The following ZC3H14 variants were observed in gnomAD, a reference collection of about 807,000 sequenced individuals.
ZC3H14 encodes zinc finger CCCH-type containing 14.
ZC3H14 carries 31 observed loss-of-function variants against 92.4 expected under a neutral mutation model. The observed-to-expected ratio is 0.34, with a 90% CI of 0.25 to 0.45. The LOEUF (loss-of-function observed/expected upper bound fraction) is 0.45, where lower values mean the gene tolerates loss of function less well. Among genes scored for constraint, ZC3H14 ranks in the 20% least tolerant of loss-of-function variants. ZC3H14 has a pLI of 1.00. For missense variants in ZC3H14, 781 were observed against 897.3 expected (o/e 0.87, Z 1.66); for synonymous variants, 321 against 300.9 (o/e 1.07, Z -0.69).
intron 15 of ZC3H14, among the ~76,000 whole-genome samples, chr14:88,610,045 T>G (rs2086304207): frequency 6.6e-6 from 1 of 152,202 alleles, no homozygotes; most frequent in South Asian, 2.1e-4. Context: ...CTAGTCACAT[T>G]TTCCATTATT....
Position 88,622,245 on chromosome 14 carries a change from T to C in ZC3H14, c.*10494T>C, listed in dbSNP as rs902462197. ...TATGGCTGAGTAGTATTTCATTGTT[T>C]GTTTACTGCACGTTTTATCTAGGGA... is the stretch of plus-strand genomic sequence containing the variant. On this transcript the variant is annotated 3_prime_UTR_variant, in exon 17 of 17. Transcript: ENST00000251038. 5.5e-6 allele frequency: 1 copy of C among 181,058 alleles called. No homozygotes were observed. Among genetic ancestry groups the C allele is most frequent in the African/African-American group, 2.3e-5 (1 of 42,660 alleles). The allele number at this position is 181,058 out of a possible 1,614,324, so 11.2% of individuals were successfully genotyped here.
chr14:88,598,018 CTT>C (rs2084080862), intron 10 of ZC3H14, among the ~76,000 whole-genome samples: 1 of 152,024 alleles, frequency 6.6e-6, no homozygotes, highest in Non-Finnish European at 1.5e-5. Context: ...ACACAATACT[CTT>C]TGTTATTTCT....
Position 88,605,914 on chromosome 14 carries a change from G to GAAAC in ZC3H14, c.1748-1327_1748-1324dup, listed in dbSNP as rs553553072. ...ATTATTTTCTCTTTGTATAGATGAG[G>GAAAC]AAACAGAATTCCAAAAAGTTAGCTA... On this transcript the variant is annotated intron_variant, in intron 12 of 16. Coordinates refer to ENST00000251038, the MANE Select transcript of ZC3H14 (RefSeq NM_024824.5). Among the ~76,000 whole-genome samples, 249 of 152,290 alleles carry GAAAC rather than the reference G, an allele frequency of 1.6e-3. 1 individual carries two copies. The highest frequency in any genetic ancestry group is 5.8e-3 in the African/African-American group (241 of 41,580).
chr14:88,574,124 C>T (rs754918386), intron 6 of ZC3H14, among the ~76,000 whole-genome samples: 3 of 152,094 alleles, frequency 2.0e-5, no homozygotes, highest in Non-Finnish European at 2.9e-5. Context: ...AACCAATTAA[C>T]TCTGTTTTAT....
chr14:88,592,633 T>C (rs2083296765), intron 9 of ZC3H14, among the ~76,000 whole-genome samples: 3 of 151,484 alleles, frequency 2.0e-5, no homozygotes, highest in Non-Finnish European at 4.4e-5. Context: ...CCCGAGTAGC[T>C]GGAATTACAG....
Position 88,621,730 on chromosome 14 carries a change from A to G in ZC3H14, c.*9979A>G, listed in dbSNP as rs559097328. 1 of 309,746 alleles carries G rather than the reference A, an allele frequency of 3.2e-6. No homozygotes were observed. The highest frequency in any genetic ancestry group is 6.4e-6 in the Non-Finnish European group (1 of 155,370). 19.2% of individuals were successfully genotyped at this position (309,746 alleles called of 1,614,324 possible). A position where few individuals can be genotyped will look rare whatever the true frequency, so the allele number is the denominator to read the frequency against. ...TCCGTATGATTTATAAATACACTTAATAAGTACAAACACGCTCAAAAATTT... is the reference window on the plus strand; with the variant it reads ...TCCGTATGATTTATAAATACACTTAGTAAGTACAAACACGCTCAAAAATTT... On this transcript the variant is annotated 3_prime_UTR_variant, in exon 17 of 17. Coordinates refer to ENST00000251038, the MANE Select transcript of ZC3H14 (RefSeq NM_024824.5).
chr14:88,568,753 C>T (rs1261945123), intron 3 of ZC3H14, among the ~76,000 whole-genome samples: 1 of 152,210 alleles, frequency 6.6e-6, no homozygotes. Context: ...AGTACAGCCA[C>T]TTGCTTTATA....
At chr14:88,607,503 A>G (rs2085636307) in intron 13 of ZC3H14, 140 bp downstream of exon 13, 8 of 791,360 alleles carry the variant, frequency 1.0e-5, no homozygotes, top group African/African-American at 1.9e-5. Flanking sequence ...TCAACCCTCA[A>G]GTGAGTACCA....
Position 88,622,593 on chromosome 14 carries a change from G to T in ZC3H14, c.*10842G>T. The T allele has an allele frequency of 6.3e-7, 1 of 1,586,016 alleles. No homozygotes were observed. Among genetic ancestry groups the T allele is most frequent in the East Asian group, 2.3e-5 (1 of 43,770 alleles). On this transcript the variant is annotated 3_prime_UTR_variant, in exon 17 of 17. Transcript: ENST00000251038. ...TTCTGCTGCACTGTATCAGCTCATGGAACATCTTACTTTGCCTCTGCACAC... is the reference window on the plus strand; with the variant it reads ...TTCTGCTGCACTGTATCAGCTCATGTAACATCTTACTTTGCCTCTGCACAC...
In ZC3H14 at chr14:88,602,861, C is replaced by T. The variant is rs766366843; in HGVS notation, c.1548C>T (p.Pro516=). 1.2e-6 allele frequency: 2 copies of T among 1,614,092 alleles called. No individual in the cohort carries two copies. The highest frequency in any genetic ancestry group is 2.2e-5 in the East Asian group (1 of 44,872). Reference sequence around the variant, plus strand: ...TACAACCAGATAAACCTGCAAGTCCCAAGTTTATAGTGACGCTGGATGGTG... The same window carrying T: ...TACAACCAGATAAACCTGCAAGTCCTAAGTTTATAGTGACGCTGGATGGTG... ...DLVQPDKPAS[P]KFIVTLDGVP... is the part of the protein sequence containing the mutation. Residue 516 remains proline (P), a synonymous_variant, in exon 12 of 17, where the codon CCC becomes CCT. Transcript: ENST00000251038.
At chr14:88,569,230 G>C (rs1387719224) in intron 3 of ZC3H14, among the ~76,000 whole-genome samples, 2 of 152,078 alleles carry the variant, frequency 1.3e-5, no homozygotes, top group African/African-American at 2.4e-5. Context: ...TTTTTGAACT[G>C]GGTTGGCTTC....
intron 9 of ZC3H14, among the ~76,000 whole-genome samples, chr14:88,588,732 TGGAAATTCTGTTAG>T (rs1168508596): frequency 3.9e-5 from 6 of 152,202 alleles, no homozygotes; most frequent in Non-Finnish European, 7.3e-5. Flanking sequence ...TGTTCTCTGG[TGGAAATTCTGTTAG>T]TTGGATGATA....
At chr14:88,583,349 C>A (rs947459890) in intron 9 of ZC3H14, among the ~76,000 whole-genome samples, 2 of 151,984 alleles carry the variant, frequency 1.3e-5, no homozygotes, top group Non-Finnish European at 2.9e-5. Context: ...AACTCCTGAG[C>A]TCAAGCAGCC....
Position 88,574,274 on chromosome 14 carries a change from C to T in ZC3H14, c.862-419C>T, listed in dbSNP as rs533920576. 7.6e-5 allele frequency: 13 copies of T among 171,576 alleles called. 1 individual carries two copies. In the East Asian group the frequency reaches 2.0e-3, roughly 26 times the overall value. The allele number at this position is 171,576 out of a possible 1,614,324, so 10.6% of individuals were successfully genotyped here. The stretch of plus-strand genomic sequence containing the variant: ...TTATTTATTTATTTTGATACGGTGT[C>T]TCACTCTGTCGCCCAGGCTGGAGTG... On this transcript the variant is annotated intron_variant, in intron 6 of 16. Transcript: ENST00000251038.
Position 88,626,989 on chromosome 14 carries a change from C to T in ZC3H14, c.*15238C>T, listed in dbSNP as rs1489070677. The T allele has an allele frequency of 2.5e-6, 4 of 1,613,830 alleles. No homozygotes were observed. The highest frequency in any genetic ancestry group is 1.3e-5 in the African/African-American group (1 of 75,004). ...GACAAACTGGGTATCTGAATCTGGT[C>T]GGAATTCTGCCACAAAAATACGTTG... On this transcript the variant is annotated 3_prime_UTR_variant, in exon 17 of 17. Coordinates refer to ENST00000251038, the MANE Select transcript of ZC3H14 (RefSeq NM_024824.5).
Position 88,618,053 on chromosome 14 carries a change from G to A in ZC3H14, c.*6302G>A. 6 of 421,458 alleles carry A rather than the reference G, an allele frequency of 1.4e-5. No homozygotes were observed. The highest frequency in any genetic ancestry group is 7.0e-5 in the East Asian group (2 of 28,518). 26.1% of individuals were successfully genotyped at this position (421,458 alleles called of 1,614,324 possible). On this transcript the variant is annotated 3_prime_UTR_variant, in exon 17 of 17. Coordinates refer to ENST00000251038, the MANE Select transcript of ZC3H14 (RefSeq NM_024824.5). Reference sequence around the variant, plus strand: ...AAATCATGGAAACTGATAAAACATGGAAATATATTCAATAAAAAGGGGTCC... The same window carrying A: ...AAATCATGGAAACTGATAAAACATGAAAATATATTCAATAAAAAGGGGTCC...
chr14:88,587,024 C>G (rs551389448), intron 9 of ZC3H14, among the ~76,000 whole-genome samples: 48 of 152,236 alleles, frequency 3.2e-4, no homozygotes, highest in African/African-American at 1.1e-3. Flanking sequence ...ATACTTTTCC[C>G]TTGCTTCCAA....
At position 88,618,528 on chromosome 14, in the gene ZC3H14, G is replaced by T; in HGVS notation, c.*6777G>T. On this transcript the variant is annotated 3_prime_UTR_variant, in exon 17 of 17. Transcript: ENST00000251038. The stretch of plus-strand genomic sequence containing the variant: ...AGGAAAGGGGAGCTGTAGGTCAGAA[G>T]GTACAAAGGGAGGAGTTGAGAAGCT... 8.1e-7 allele frequency: 1 copy of T among 1,230,928 alleles called. No homozygotes were observed. Among genetic ancestry groups the T allele is most frequent in the Non-Finnish European group, 1.1e-6 (1 of 893,242 alleles). The allele number at this position is 1,230,928 out of a possible 1,614,324, so 76.3% of individuals were successfully genotyped here.
intron 12 of ZC3H14, among the ~76,000 whole-genome samples, chr14:88,604,079 G>C (rs977631544): frequency 6.6e-6 from 1 of 152,098 alleles, no homozygotes; most frequent in Non-Finnish European, 1.5e-5. Flanking sequence ...TATTGACTCT[G>C]TATGTTTTGT....
Sources: gnomAD v4.1 joint callset for allele counts (sites outside exome capture counted in the v4.1 genomes callset) on GRCh38, gnomAD v4.1.1 for gene constraint, MANE v1.5 for transcripts, NCBI Gene and HGNC (gene_info 2026-07-23, HGNC 2026-07-21) for gene names.